The following EVI5 variants were observed in gnomAD, a reference collection of about 807,000 sequenced individuals.
EVI5 encodes the protein ecotropic viral integration site 5 protein homolog.
A neutral mutation model predicts 112.0 loss-of-function variants in EVI5; 73 were observed. That is an observed-to-expected ratio of 0.65 (90% CI 0.54 to 0.79). EVI5 has a LOEUF of 0.79. Ranked by LOEUF, EVI5 falls within the 30% of genes least tolerant of loss-of-function variation. EVI5 has a pLI of 0.00. For missense variants in EVI5, 900 were observed against 968.8 expected, an observed-to-expected ratio of 0.93 and a Z score of 0.94; for synonymous variants, 305 against 319.9, an observed-to-expected ratio of 0.95 and a Z score of 0.50.
chr1:92,628,191 T>C (rs1656114631), intron 14 of EVI5, among the ~76,000 whole-genome samples: 1 of 152,220 alleles, frequency 6.6e-6, no homozygotes, highest in South Asian at 2.1e-4. Flanking sequence ...GTTTTCGTCT[T>C]ACTGATTTGA....
intron 18 of EVI5, among the ~76,000 whole-genome samples, chr1:92,570,822 C>G (rs547987904): frequency 1.3e-5 from 2 of 152,190 alleles, no homozygotes; most frequent in South Asian, 4.1e-4. Flanking sequence ...TAGCTAAAAA[C>G]TTTGTAATAG....
At chr1:92,747,073 C>A (rs1460410265) in intron 1 of EVI5, among the ~76,000 whole-genome samples, 3 of 152,092 alleles carry the variant, frequency 2.0e-5, no homozygotes, top group African/African-American at 7.2e-5. Context: ...GGTTCCACAT[C>A]CGCAGGTTCT....
At chr1:92,682,807 C>T (rs889535491) in intron 9 of EVI5, among the ~76,000 whole-genome samples, 14 of 152,178 alleles carry the variant, frequency 9.2e-5, no homozygotes, top group Non-Finnish European at 1.8e-4. Context: ...AGAGAACTAC[C>T]TGAAATTTCC....
chr1:92,525,023 T>C (rs997281302), intron 19 of EVI5, among the ~76,000 whole-genome samples: 16 of 152,052 alleles, frequency 1.1e-4, no homozygotes, highest in Admixed American at 5.9e-4. Context: ...AGACAGGGTT[T>C]CACCATGTAG....
At chr1:92,692,989 G>T (rs888850190) in intron 9 of EVI5, among the ~76,000 whole-genome samples, 3 of 152,062 alleles carry the variant, frequency 2.0e-5, no homozygotes, top group Admixed American at 1.3e-4. Flanking sequence ...TAAAACTAAT[G>T]AGCAGAGACT....
In EVI5 at chr1:92,736,473, G is replaced by A. The variant is rs762583443; in HGVS notation, c.74C>T (p.Ala25Val). The A allele has an allele frequency of 6.2e-7, 1 of 1,613,850 alleles. No individual in the cohort carries two copies. The highest frequency in any genetic ancestry group is 2.2e-5 in the East Asian group (1 of 44,886). The change falls in exon 2 of 20, where the codon GCC becomes GTC. Residue 25 changes from alanine to valine, a missense_variant. Coordinates refer to ENST00000684568, the MANE Select transcript of EVI5 (RefSeq NM_001350197.2). ...TSSSTTLSTPALSPSSPSQLS... is the reference protein window; with the variant it reads ...TSSSTTLSTPVLSPSSPSQLS... ...CTGTGATGGGGAAGATGGTGAAAGG[G>A]CTGGTGTTGATAGTGTGGTAGATGA... is the stretch of plus-strand genomic sequence containing the variant.
At chr1:92,726,847 C>A (rs1271111894) in intron 2 of EVI5, among the ~76,000 whole-genome samples, 1 of 151,962 alleles carries the variant, frequency 6.6e-6, no homozygotes, top group African/African-American at 2.4e-5. Context: ...AGTGGTATAA[C>A]CCTCAAAGTC....
chr1:92,712,066 A>ATAT (rs1672928654), intron 2 of EVI5, among the ~76,000 whole-genome samples: 1 of 152,178 alleles, frequency 6.6e-6, no homozygotes, highest in Admixed American at 6.5e-5. Context: ...AAGGCCCAAT[A>ATAT]TATTAATACC....
chr1:92,721,366 T>C (rs1301209369), intron 2 of EVI5, among the ~76,000 whole-genome samples: 1 of 152,218 alleles, frequency 6.6e-6, no homozygotes, highest in African/African-American at 2.4e-5. Flanking sequence ...GATGAGTTCA[T>C]GTACTTTGTA....
chr1:92,672,937 C>G (rs955902264), intron 10 of EVI5, among the ~76,000 whole-genome samples: 1 of 152,160 alleles, frequency 6.6e-6, no homozygotes, highest in African/African-American at 2.4e-5. Context: ...TAACACAAAT[C>G]AGACTTCAAA....
At chr1:92,548,629 A>G (rs1666222031) in intron 19 of EVI5, among the ~76,000 whole-genome samples, 1 of 152,212 alleles carries the variant, frequency 6.6e-6, no homozygotes, top group Non-Finnish European at 1.5e-5. Flanking sequence ...CCTTAAGCTG[A>G]TAAGCAACTT....
intron 1 of EVI5, among the ~76,000 whole-genome samples, chr1:92,760,374 G>C (rs1242716749): frequency 2.0e-5 from 3 of 152,136 alleles, no homozygotes. Context: ...CTGAATAAGA[G>C]AGGGTACTAG....
chr1:92,740,964 C>A (rs776493591), intron 1 of EVI5, among the ~76,000 whole-genome samples: 1 of 152,086 alleles, frequency 6.6e-6, no homozygotes, highest in African/African-American at 2.4e-5. Context: ...CTAAACTCTA[C>A]GTAGATTCCA....
At chr1:92,702,812 A>AG (rs34944068) in intron 4 of EVI5, among the ~76,000 whole-genome samples, 89,903 of 150,028 alleles carry the variant, frequency 0.6, 28,032 homozygotes, top group East Asian at 0.91. Context: ...ATCTCAAAAA[A>AG]AAAAAAAAAA....
rs879554554 is a variant in EVI5, at chr1:92,561,607, TC to T, written c.2166+2034del. On this transcript the variant is annotated intron_variant, in intron 19 of 19. Coordinates refer to ENST00000684568, the MANE Select transcript of EVI5 (RefSeq NM_001350197.2). ...TCTATCTATCTATCTATCTAATCTA[TC>T]CTATCTATCTATCTATCTATCTATC... 6.4e-3 allele frequency among the ~76,000 whole-genome samples: 839 copies of T among 131,704 alleles called. 1 individual carries two copies. Among genetic ancestry groups the T allele is most frequent in the Middle Eastern group, 0.012 (3 of 254 alleles). The allele number at this position is 131,704 out of a possible 152,430, so 86.4% of individuals were successfully genotyped here. A position where few individuals can be genotyped will look rare whatever the true frequency, so the allele number is the denominator to read the frequency against.
In EVI5 at chr1:92,650,930, A is replaced by G. The variant is rs113775902; in HGVS notation, c.1392+11789T>C. ...AGATCTTCAAATAGTTTCCATCTTC[A>G]TATCATTGAGTCTCTGGTCAAATCT... On this transcript the variant is annotated intron_variant, in intron 13 of 19. Coordinates refer to ENST00000684568, the MANE Select transcript of EVI5 (RefSeq NM_001350197.2). 7.2e-5 allele frequency among the ~76,000 whole-genome samples: 11 copies of G among 152,252 alleles called. 1 individual carries two copies. The highest frequency in any genetic ancestry group is 2.4e-4 in the African/African-American group (10 of 41,540).
At chr1:92,681,581 T>C (rs1667596773) in intron 9 of EVI5, among the ~76,000 whole-genome samples, 1 of 152,166 alleles carries the variant, frequency 6.6e-6, no homozygotes, top group African/African-American at 2.4e-5. Flanking sequence ...CTCCTTCTCT[T>C]CACCTGGCCA....
intron 9 of EVI5, among the ~76,000 whole-genome samples, chr1:92,691,364 A>G (rs891182894): frequency 6.6e-6 from 1 of 151,886 alleles, no homozygotes; most frequent in Non-Finnish European, 1.5e-5. Context: ...AACAATATTT[A>G]CTTTGAAATA....
At chr1:92,619,057 T>C (rs1043571670) in intron 16 of EVI5, among the ~76,000 whole-genome samples, 6 of 152,140 alleles carry the variant, frequency 3.9e-5, no homozygotes, top group Non-Finnish European at 7.3e-5. Context: ...TAGGTTCAAG[T>C]TCAAGCTGAC....
Sources: allele counts gnomAD v4.1 joint callset (sites outside exome capture counted in the v4.1 genomes callset), GRCh38; gene constraint gnomAD v4.1.1; transcripts MANE v1.5; gene names NCBI Gene and HGNC (gene_info 2026-07-23, HGNC 2026-07-21).